Variants in CCDC102B observed in about 807,000 individuals in gnomAD.
CCDC102B encodes coiled-coil domain-containing protein 102B.
Under a neutral mutation model 57.4 loss-of-function variants are expected in CCDC102B, and 75 were observed. The observed-to-expected ratio is 1.31, with a 90% confidence interval of 1.08 to 1.58. CCDC102B has a LOEUF of 1.58. CCDC102B is among the 40% of genes most tolerant of loss of function. CCDC102B has a pLI of 0.00. For synonymous variants in CCDC102B, 206 were observed against 201.9 expected (o/e 1.02, Z -0.17); for missense variants, 636 against 582.6 (o/e 1.09, Z -0.94).
chr18:68,894,587 T>G (rs2040181494), intron 5 of CCDC102B, among the ~76,000 whole-genome samples: 1 of 151,936 alleles, frequency 6.6e-6, no homozygotes, highest in South Asian at 2.1e-4. Context: ...GTACATGCAA[T>G]TAAATGCTTT....
At chr18:68,967,481 A>T (rs2050193959) in intron 6 of CCDC102B, among the ~76,000 whole-genome samples, 1 of 152,174 alleles carries the variant, frequency 6.6e-6, no homozygotes, top group Non-Finnish European at 1.5e-5. Context: ...AATGAATAAG[A>T]TTAGATTTGA....
chr18:68,913,748 A>T (rs546181553), intron 6 of CCDC102B, among the ~76,000 whole-genome samples: 1 of 152,266 alleles, frequency 6.6e-6, no homozygotes, highest in East Asian at 1.9e-4. Context: ...GAAGTCAATA[A>T]AGCTAAAGGA....
chr18:68,846,242 A>G (rs913459541), intron 3 of CCDC102B, 71 bp from the exon 4 acceptor site: 1 of 926,560 alleles, frequency 1.1e-6, no homozygotes, highest in African/African-American at 1.7e-5. Flanking sequence ...TGCCTATAAA[A>G]TTGAATGCAT....
chr18:68,727,780 C>A (rs2032666022), intron 2 of CCDC102B, among the ~76,000 whole-genome samples: 1 of 152,170 alleles, frequency 6.6e-6, no homozygotes, highest in Admixed American at 6.5e-5. Context: ...GAGAATAGAC[C>A]AGATTGGCAG....
intron 6 of CCDC102B, among the ~76,000 whole-genome samples, chr18:68,993,785 T>C (rs963649210): frequency 6.6e-6 from 1 of 152,174 alleles, no homozygotes; most frequent in Non-Finnish European, 1.5e-5. Flanking sequence ...GTAAAGAATG[T>C]AGTAAATTTC....
chr18:68,791,246 A>G (rs777264743), intron 2 of CCDC102B, among the ~76,000 whole-genome samples: 4 of 152,204 alleles, frequency 2.6e-5, no homozygotes, highest in Non-Finnish European at 5.9e-5. Flanking sequence ...AATGTTGTAA[A>G]ATTAATGTTT....
chr18:68,802,557 G>T lies in CCDC102B; in HGVS notation c.-16+4376G>T, dbSNP rs574343270. Among the ~76,000 whole-genome samples, 9 of 152,276 alleles carry T rather than the reference G, an allele frequency of 5.9e-5. No homozygotes were observed. The South Asian group carries it at 1.9e-3, about 32-fold the overall frequency. ...GAGAAATTCCAGTATTCATGGATTA[G>T]AACTAGGAGGGCTATCTCAGATACA... On this transcript the variant is annotated intron_variant, in intron 1 of 7. Coordinates refer to ENST00000360242, the MANE Select transcript of CCDC102B (RefSeq NM_024781.3).
At chr18:68,826,239 G>C (rs2036897777) in intron 1 of CCDC102B, among the ~76,000 whole-genome samples, 1 of 152,222 alleles carries the variant, frequency 6.6e-6, no homozygotes, top group South Asian at 2.1e-4. Flanking sequence ...AGGCTGCAGG[G>C]AAGGCGTCAG....
intron 6 of CCDC102B, among the ~76,000 whole-genome samples, chr18:69,010,509 C>T (rs2051485517): frequency 6.6e-6 from 1 of 152,064 alleles, no homozygotes; most frequent in African/African-American, 2.4e-5. Flanking sequence ...ATGACTACAG[C>T]CTCACAAAAC....
At chr18:68,729,999 A>G (rs764749552) in intron 2 of CCDC102B, among the ~76,000 whole-genome samples, 3 of 152,218 alleles carry the variant, frequency 2.0e-5, no homozygotes, top group African/African-American at 4.8e-5. Flanking sequence ...GCTCTACTTC[A>G]TTAAAATGTA....
At chr18:68,799,350 T>G (rs761373006) in intron 1 of CCDC102B, among the ~76,000 whole-genome samples, 8 of 152,170 alleles carry the variant, frequency 5.3e-5, no homozygotes, top group African/African-American at 1.2e-4. Context: ...ATAGATAATT[T>G]CATTGTCTCT....
intron 4 of CCDC102B, among the ~76,000 whole-genome samples, chr18:68,872,394 C>T (rs1332494847): frequency 6.6e-6 from 1 of 152,092 alleles, no homozygotes; most frequent in African/African-American, 2.4e-5. Context: ...CAGTATTAAA[C>T]TCTACTTCCC....
At chr18:68,888,372 A>G (rs2039961802) in intron 5 of CCDC102B, among the ~76,000 whole-genome samples, 1 of 152,240 alleles carries the variant, frequency 6.6e-6, no homozygotes, top group African/African-American at 2.4e-5. Context: ...GTGATAGAAT[A>G]TACTATATTC....
intron 6 of CCDC102B, among the ~76,000 whole-genome samples, chr18:68,983,628 T>C (rs1254969293): frequency 2.0e-5 from 3 of 151,900 alleles, no homozygotes; most frequent in Admixed American, 2.0e-4. Context: ...AACTGAAAAG[T>C]TTGAAAAAAA....
chr18:68,788,450 A>T (rs2035296930), intron 2 of CCDC102B, among the ~76,000 whole-genome samples: 1 of 150,236 alleles, frequency 6.7e-6, no homozygotes, highest in Non-Finnish European at 1.5e-5. Flanking sequence ...CCCATTATTA[A>T]TGTGTGGGAG....
chr18:68,958,545 G>T (rs911192306), intron 6 of CCDC102B, among the ~76,000 whole-genome samples: 24 of 152,096 alleles, frequency 1.6e-4, no homozygotes, highest in African/African-American at 4.6e-4. Flanking sequence ...CAGAGATATT[G>T]ATATTGACCT....
intron 6 of CCDC102B, among the ~76,000 whole-genome samples, chr18:68,967,641 A>G (rs367691443): frequency 1.1e-4 from 16 of 152,270 alleles, no homozygotes; most frequent in African/African-American, 3.6e-4. Context: ...CAAGAAGCAT[A>G]TCATATGTTG....
At chr18:68,958,087 A>T (rs7229279) in intron 6 of CCDC102B, among the ~76,000 whole-genome samples, 10,407 of 152,152 alleles carry the variant, frequency 0.068, 573 homozygotes, top group African/African-American at 0.15. Context: ...GAAGAGAGCT[A>T]GTGCAGGCAA....
intron 6 of CCDC102B, among the ~76,000 whole-genome samples, chr18:68,953,381 A>G (rs1229587685): frequency 7.1e-6 from 1 of 141,402 alleles, no homozygotes; most frequent in Non-Finnish European, 1.5e-5. Context: ...TTTTGACAAC[A>G]GCGGTCCTTA....
Sources: allele counts gnomAD v4.1 joint callset (sites outside exome capture counted in the v4.1 genomes callset), GRCh38; gene constraint gnomAD v4.1.1; transcripts MANE v1.5; gene names NCBI Gene and HGNC (gene_info 2026-07-23, HGNC 2026-07-21).